The following MAP3K13 variants were observed in gnomAD, a reference collection of about 807,000 sequenced individuals.
MAP3K13 encodes the protein leucine zipper-bearing kinase.
MAP3K13 carries 52 observed loss-of-function variants against 104.0 expected under a neutral mutation model. The ratio of observed to expected loss-of-function variants is 0.50; its 90% CI spans 0.40 to 0.63. MAP3K13 has a LOEUF of 0.63. MAP3K13 is among the 20% of genes least tolerant of loss of function. The pLI is 0.00. For synonymous variants in MAP3K13, 394 were observed against 442.2 expected (o/e 0.89, Z 1.37); for missense variants, 914 against 1,218.5 (o/e 0.75, Z 3.72).
intron 10 of MAP3K13, among the ~76,000 whole-genome samples, chr3:185,467,503 G>C (rs866451916): frequency 6.6e-6 from 1 of 152,042 alleles, no homozygotes; most frequent in African/African-American, 2.4e-5. Context: ...AGAAATACCT[G>C]ACTGGGTGCG....
chr3:185,458,087 G>C (rs1716870403), intron 7 of MAP3K13, among the ~76,000 whole-genome samples: 2 of 152,204 alleles, frequency 1.3e-5, no homozygotes, highest in African/African-American at 4.8e-5. Context: ...CATTATTCTT[G>C]GCTGGCCACA....
At chr3:185,284,603 C>A (rs1040710468) in intron 1 of MAP3K13, among the ~76,000 whole-genome samples, 5 of 152,084 alleles carry the variant, frequency 3.3e-5, no homozygotes, top group African/African-American at 1.2e-4. Context: ...GTAATCCCAG[C>A]TACTTGGGAG....
chr3:185,456,965 G>T (rs1577593720), intron 7 of MAP3K13, among the ~76,000 whole-genome samples: 1 of 152,106 alleles, frequency 6.6e-6, no homozygotes, highest in Admixed American at 6.6e-5. Context: ...TCTGATGATG[G>T]TATTAAGTCA....
chr3:185,457,046 A>C (rs750315051), intron 7 of MAP3K13, among the ~76,000 whole-genome samples: 16 of 152,218 alleles, frequency 1.1e-4, no homozygotes, highest in Non-Finnish European at 2.1e-4. Flanking sequence ...GATGTTACTT[A>C]AGTCCTCCTA....
intron 7 of MAP3K13, among the ~76,000 whole-genome samples, chr3:185,455,727 T>C (rs370718351): frequency 2.8e-4 from 3 of 10,864 alleles, no homozygotes; most frequent in Non-Finnish European, 7.1e-4. Flanking sequence ...ATATATATGA[T>C]ATATATATGA....
intron 2 of MAP3K13, among the ~76,000 whole-genome samples, chr3:185,353,097 A>G (rs1423108318): frequency 6.6e-6 from 1 of 152,228 alleles, no homozygotes; most frequent in Non-Finnish European, 1.5e-5. Context: ...TCATGAGTAC[A>G]CTTTAAAACA....
At chr3:185,453,858 T>C (rs1295693480) in intron 7 of MAP3K13, among the ~76,000 whole-genome samples, 7 of 62,718 alleles carry the variant, frequency 1.1e-4, no homozygotes, top group African/African-American at 2.8e-4. Context: ...ATATGAGATA[T>C]ATATATATGA....
intron 1 of MAP3K13, among the ~76,000 whole-genome samples, chr3:185,372,913 A>C (rs1203343480): frequency 1.3e-5 from 2 of 152,224 alleles, no homozygotes; most frequent in Non-Finnish European, 2.9e-5. Flanking sequence ...CTCCAAGGGA[A>C]TACCTGTACC....
rs930746747 is a variant in MAP3K13, at chr3:185,487,346, T to G, written c.*4890T>G. ...TGCACAACAATTTTTTTTTTTTTTT[T>G]GTAGAGATGGGCGTCTCCCTGTGTT... On this transcript the variant is annotated 3_prime_UTR_variant, in exon 14 of 14. Coordinates refer to ENST00000265026, the MANE Select transcript of MAP3K13 (RefSeq NM_004721.5). 2.0e-5 allele frequency: 3 copies of G among 151,684 alleles called. No individual in the cohort carries two copies. The highest frequency in any genetic ancestry group is 4.9e-5 in the African/African-American group (2 of 41,118). 9.4% of individuals were successfully genotyped at this position (151,684 alleles called of 1,614,324 possible).
At position 185,418,409 on chromosome 3, in the gene MAP3K13, T is replaced by C. The variant is rs1713921409; in HGVS notation, c.-85-10088T>C. ...GCTGAGGCAGCCAGGGCAGAACAGA[T>C]GGCATATCGTTTTTGGGTTGTGTTC... On this transcript the variant is annotated intron_variant, in intron 1 of 13. Coordinates refer to ENST00000265026, the MANE Select transcript of MAP3K13 (RefSeq NM_004721.5). This position sits in a 1 kb window ranked among gnomAD's most constrained non-coding sequence, Gnocchi z 4.5. The C allele has an allele frequency of 6.2e-7, 1 of 1,607,650 alleles. No homozygotes were observed. The highest frequency in any genetic ancestry group is 8.5e-7 in the Non-Finnish European group (1 of 1,175,848).
At chr3:185,363,417 AG>A in intron 1 of MAP3K13, 49 bp downstream of exon 1, 1 of 885,798 alleles carries the variant, frequency 1.1e-6, no homozygotes, top group Non-Finnish European at 1.4e-6. Flanking sequence ...TTATTTCACA[AG>A]GACAGACAGA....
intron 1 of MAP3K13, among the ~76,000 whole-genome samples, chr3:185,369,585 A>G (rs538180983): frequency 2.6e-5 from 4 of 152,208 alleles, no homozygotes; most frequent in Non-Finnish European, 5.9e-5. Flanking sequence ...ACCACTGAGA[A>G]TCACTGCATA....
chr3:185,316,332 A>G (rs1439801613), intron 2 of MAP3K13, among the ~76,000 whole-genome samples: 1 of 152,192 alleles, frequency 6.6e-6, no homozygotes, highest in Admixed American at 6.5e-5. Flanking sequence ...TTAATATCCA[A>G]AATAGCATCA....
At position 185,432,185 on chromosome 3, in the gene MAP3K13, C is replaced by CTTTT. The variant is rs11407161; in HGVS notation, c.475+3148_475+3151dup. On this transcript the variant is annotated intron_variant, in intron 2 of 13. Transcript: ENST00000265026. ...ATCCAGAGATAACCATTTCTAATTG[C>CTTTT]TTTTTTTTTTTTTTTTTTTTTTGAG... Among the ~76,000 whole-genome samples, 95 of 90,106 alleles carry CTTTT rather than the reference C, an allele frequency of 1.1e-3. 2 individuals carry two copies. Among genetic ancestry groups the CTTTT allele is most frequent in the African/African-American group, 1.7e-3 (40 of 23,354 alleles). The allele number at this position is 90,106 out of a possible 152,430, so 59.1% of individuals were successfully genotyped here. A position where few individuals can be genotyped will look rare whatever the true frequency, so the allele number is the denominator to read the frequency against.
chr3:185,392,865 A>C (rs1358972446), intron 1 of MAP3K13, among the ~76,000 whole-genome samples: 2 of 152,182 alleles, frequency 1.3e-5, no homozygotes, highest in Non-Finnish European at 2.9e-5. Context: ...CCTGGCCAAC[A>C]TGATGAAACC....
chr3:185,441,390 C>CCT (rs1490006840), intron 3 of MAP3K13, among the ~76,000 whole-genome samples: 13 of 152,052 alleles, frequency 8.5e-5, no homozygotes, highest in African/African-American at 3.1e-4. Flanking sequence ...TTGCTGTGAA[C>CCT]CTCTAGGCGT....
intron 2 of MAP3K13, chr3:185,291,577 T>C (rs1720740241): frequency 1.3e-6 from 2 of 1,496,068 alleles, no homozygotes; most frequent in Non-Finnish European, 8.8e-7. Flanking sequence ...ATTAGACTTG[T>C]AGTAGAATTT....
intron 7 of MAP3K13, among the ~76,000 whole-genome samples, chr3:185,459,986 G>A (rs1189697672): frequency 6.6e-6 from 1 of 152,128 alleles, no homozygotes; most frequent in East Asian, 1.9e-4. Context: ...GTTTGTGCCT[G>A]GCTTGTTTCA....
intron 1 of MAP3K13, among the ~76,000 whole-genome samples, chr3:185,402,493 TA>T (rs1712872377): frequency 1.3e-5 from 2 of 152,350 alleles, no homozygotes; most frequent in South Asian, 4.1e-4. Context: ...TAAGTCTGTT[TA>T]AGAAGTCAAG....
Sources: allele counts gnomAD v4.1 joint callset (sites outside exome capture counted in the v4.1 genomes callset), GRCh38; gene constraint gnomAD v4.1.1; non-coding constraint Gnocchi (gnomAD v3.1); transcripts MANE v1.5; gene names NCBI Gene and HGNC (gene_info 2026-07-23, HGNC 2026-07-21).